Variants in MYO1E observed in about 807,000 individuals in gnomAD.
MYO1E encodes unconventional myosin-Ie.
Under a neutral mutation model 151.1 loss-of-function variants are expected in MYO1E, and 68 were observed. The observed-to-expected ratio is 0.45, with a 90% CI of 0.37 to 0.55. The LOEUF (loss-of-function observed/expected upper bound fraction) is 0.55. Among genes scored for constraint, MYO1E ranks in the 20% least tolerant of loss-of-function variants. The pLI, the probability that MYO1E is intolerant of heterozygous loss-of-function variation, is 0.00. For missense variants in MYO1E, 1,363 were observed against 1,389.3 expected, an observed-to-expected ratio of 0.98 and a Z score of 0.30; for synonymous variants, 601 against 501.7, an observed-to-expected ratio of 1.20 and a Z score of -2.64.
At chr15:59,207,115 G>A (rs1566978608) in intron 14 of MYO1E, 2 of 1,614,202 alleles carry the variant, frequency 1.2e-6, no homozygotes, top group Admixed American at 1.7e-5. Context: ...TGAGCTTATT[G>A]AGCGTTTCAC....
In MYO1E at chr15:59,137,341, T is replaced by C. The variant is rs756501678; in HGVS notation, c.*39A>G. On this transcript the variant is annotated 3_prime_UTR_variant, in exon 28 of 28. Coordinates refer to ENST00000288235, the MANE Select transcript of MYO1E (RefSeq NM_004998.4). ...AATATCCCCTCCCCTGGTCTGTGCC[T>C]GGAGCTCCTCTGCCCCATGTGTCAG... The C allele has an allele frequency of 5.7e-6, 9 of 1,574,886 alleles. No homozygotes were observed. The South Asian group carries it at 1.0e-4, about 17-fold the overall frequency.
At chr15:59,284,448 A>G (rs1293230320) in intron 1 of MYO1E, among the ~76,000 whole-genome samples, 1 of 151,716 alleles carries the variant, frequency 6.6e-6, no homozygotes, top group African/African-American at 2.4e-5. Flanking sequence ...TTACTATTTT[A>G]TTTTTATTTT....
At chr15:59,210,642 G>C in intron 12 of MYO1E, 42 bp from the exon 13 acceptor site, 1 of 1,396,238 alleles carries the variant, frequency 7.2e-7, no homozygotes, top group Non-Finnish European at 1.0e-6. Flanking sequence ...TTCCCAGATA[G>C]CAAGAGCTCT....
intron 2 of MYO1E, among the ~76,000 whole-genome samples, chr15:59,269,084 TA>T (rs1226242501): frequency 2.0e-5 from 3 of 152,212 alleles, no homozygotes; most frequent in Admixed American, 1.3e-4. Flanking sequence ...ACTCCATTTA[TA>T]ACGGTTTCTG....
At chr15:59,345,249 G>A (rs560690834) in intron 1 of MYO1E, among the ~76,000 whole-genome samples, 55 of 142,310 alleles carry the variant, frequency 3.9e-4, no homozygotes, top group Admixed American at 3.2e-3. Context: ...AAATGAGAGA[G>A]AGAGAAAAAA....
At chr15:59,306,762 A>G (rs1260123588) in intron 1 of MYO1E, among the ~76,000 whole-genome samples, 1 of 152,240 alleles carries the variant, frequency 6.6e-6, no homozygotes, top group Non-Finnish European at 1.5e-5. Context: ...CCTTGGAGTC[A>G]GGCTGGATAT....
At chr15:59,168,812 GTTCTT>G (rs1274976151) in intron 22 of MYO1E, among the ~76,000 whole-genome samples, 2 of 152,068 alleles carry the variant, frequency 1.3e-5, no homozygotes, top group African/African-American at 4.8e-5. Flanking sequence ...GTAGAGATGG[GTTCTT>G]ACTATGTTGC....
Position 59,222,922 on chromosome 15 carries a change from T to C in MYO1E, c.910+137A>G. On this transcript the variant is annotated intron_variant, in intron 9 of 27. Coordinates refer to ENST00000288235, the MANE Select transcript of MYO1E (RefSeq NM_004998.4). ...TCTGGTCTCTCGTGAAGCCATTCTG[T>C]TTGCCACAGAGGACATGTAGATTTA... The C allele has an allele frequency of 2.2e-6, 3 of 1,350,298 alleles. No individual in the cohort carries two copies. In the East Asian group the frequency reaches 6.9e-5, roughly 31 times the overall value. 83.6% of individuals were successfully genotyped at this position (1,350,298 alleles called of 1,614,324 possible). A position where few individuals can be genotyped will look rare whatever the true frequency, so the allele number is the denominator to read the frequency against.
chr15:59,147,818 C>T (rs890014419), intron 26 of MYO1E, among the ~76,000 whole-genome samples: 7 of 151,932 alleles, frequency 4.6e-5, no homozygotes, highest in East Asian at 1.9e-4. Flanking sequence ...TGGGGGCGGG[C>T]GTCTCCCTGT....
At chr15:59,243,099 C>CTTT (rs3985715) in intron 4 of MYO1E, among the ~76,000 whole-genome samples, 2,740 of 133,412 alleles carry the variant, frequency 0.021, 143 homozygotes, top group African/African-American at 0.058. Flanking sequence ...TTAGACCCTG[C>CTTT]TTTTTTTTTT....
In MYO1E at chr15:59,216,906, A is replaced by G. The variant is rs74017402; in HGVS notation, c.1107+985T>C. Reference sequence around the variant, plus strand: ...CAATACCTGAGTCCAAGATTAGGACATAAAAAACTGGCTTCTTGCTCATTC... The same window carrying G: ...CAATACCTGAGTCCAAGATTAGGACGTAAAAAACTGGCTTCTTGCTCATTC... On this transcript the variant is annotated intron_variant, in intron 10 of 27. Coordinates refer to ENST00000288235, the MANE Select transcript of MYO1E (RefSeq NM_004998.4). 4.8e-3 allele frequency among the ~76,000 whole-genome samples: 727 copies of G among 151,986 alleles called. 9 individuals are homozygous for G. The highest frequency in any genetic ancestry group is 0.017 in the African/African-American group (689 of 41,388).
At chr15:59,144,154 T>A (rs563761226) in intron 26 of MYO1E, among the ~76,000 whole-genome samples, 109 of 152,022 alleles carry the variant, frequency 7.2e-4, no homozygotes, top group African/African-American at 2.5e-3. Context: ...TTTTTCCTTT[T>A]ATTTATTTAT....
chr15:59,282,809 C>G (rs1243045956), intron 1 of MYO1E, among the ~76,000 whole-genome samples: 1 of 139,196 alleles, frequency 7.2e-6, no homozygotes, highest in Non-Finnish European at 1.6e-5. Flanking sequence ...GACTGCGTTA[C>G]TGCACTACAG....
chr15:59,168,207 G>C (rs1404946141), intron 22 of MYO1E, among the ~76,000 whole-genome samples: 1 of 152,048 alleles, frequency 6.6e-6, no homozygotes, highest in Non-Finnish European at 1.5e-5. Context: ...ATCTACTGGA[G>C]GATTAGAAAA....
intron 1 of MYO1E, among the ~76,000 whole-genome samples, chr15:59,339,361 T>G (rs1340477575): frequency 6.6e-6 from 1 of 152,208 alleles, no homozygotes; most frequent in African/African-American, 2.4e-5. Context: ...TGACTGACCT[T>G]CTGGTTTCCA....
intron 2 of MYO1E, among the ~76,000 whole-genome samples, chr15:59,262,027 C>T (rs1009776579): frequency 6.6e-6 from 1 of 151,936 alleles, no homozygotes; most frequent in Non-Finnish European, 1.5e-5. Flanking sequence ...CATGGTGAAA[C>T]TCCGTCTCTA....
At chr15:59,326,449 G>A (rs2080664868) in intron 1 of MYO1E, among the ~76,000 whole-genome samples, 1 of 152,298 alleles carries the variant, frequency 6.6e-6, no homozygotes, top group South Asian at 2.1e-4. Context: ...CTTGAACCTG[G>A]GAGGTGGAGG....
chr15:59,203,189 T>C (rs1379097498), intron 15 of MYO1E, among the ~76,000 whole-genome samples: 2 of 152,194 alleles, frequency 1.3e-5, no homozygotes, highest in Non-Finnish European at 2.9e-5. Flanking sequence ...AATAATTCTT[T>C]GTTGGGGGCC....
intron 14 of MYO1E, chr15:59,207,192 C>A: frequency 2.5e-6 from 4 of 1,614,190 alleles, no homozygotes; most frequent in Non-Finnish European, 3.4e-6. Flanking sequence ...GCATGGCCTG[C>A]GCTATCAGCA....
Sources: gnomAD v4.1 joint callset for allele counts (sites outside exome capture counted in the v4.1 genomes callset) on GRCh38, gnomAD v4.1.1 for gene constraint, MANE v1.5 for transcripts, NCBI Gene and HGNC (gene_info 2026-07-23, HGNC 2026-07-21) for gene names.